Variants in TAX1BP1 observed in about 807,000 individuals in gnomAD.
TAX1BP1 encodes the protein Tax1 binding protein 1.
In TAX1BP1, 62 loss-of-function variants were observed where a neutral mutation model predicts 97.7. The ratio of observed to expected loss-of-function variants is 0.63; its 90% CI spans 0.52 to 0.78. The LOEUF is 0.78. Ranked by LOEUF, TAX1BP1 falls within the 30% of genes least tolerant of loss-of-function variation. TAX1BP1 has a pLI of 0.00. For missense variants in TAX1BP1, 867 were observed against 916.1 expected, an observed-to-expected ratio of 0.95 and a Z score of 0.69; for synonymous variants, 340 against 304.2, an observed-to-expected ratio of 1.12 and a Z score of -1.23.
At chr7:27,801,954 A>G (rs1475620459) in intron 13 of TAX1BP1, among the ~76,000 whole-genome samples, 3 of 152,232 alleles carry the variant, frequency 2.0e-5, no homozygotes, top group African/African-American at 7.2e-5. Flanking sequence ...TGGAGTAACT[A>G]GACCTTTGAA....
rs866866918 is a variant in TAX1BP1, at chr7:27,748,437, T to C, written c.-7-81T>C. ...GACATGCAAATATTCATGAAACTTA[T>C]ATTAAATATTATGTATTTTCTGAAG... On this transcript the variant is annotated intron_variant, in intron 1 of 16. Transcript: ENST00000396319. 29 of 955,354 alleles carry C rather than the reference T, an allele frequency of 3.0e-5. No individual in the cohort carries two copies. In the Middle Eastern group the frequency reaches 7.4e-4, roughly 24 times the overall value. The allele number at this position is 955,354 out of a possible 1,614,324, so 59.2% of individuals were successfully genotyped here. A position where few individuals can be genotyped will look rare whatever the true frequency, so the allele number is the denominator to read the frequency against.
intron 5 of TAX1BP1, among the ~76,000 whole-genome samples, chr7:27,777,119 G>T (rs1194466518): frequency 1.3e-5 from 2 of 151,954 alleles, no homozygotes; most frequent in African/African-American, 4.8e-5. Flanking sequence ...GCTCATTTCT[G>T]TATCAGTTTT....
chr7:27,827,019 T>C (rs1295765691), intron 15 of TAX1BP1, among the ~76,000 whole-genome samples: 3 of 152,218 alleles, frequency 2.0e-5, no homozygotes, highest in Non-Finnish European at 2.9e-5. Flanking sequence ...CTTACAGTTA[T>C]TAAATGAGAA....
intron 15 of TAX1BP1, among the ~76,000 whole-genome samples, chr7:27,820,591 C>T (rs1790938830): frequency 6.6e-6 from 1 of 152,026 alleles, no homozygotes; most frequent in Admixed American, 6.6e-5. Context: ...ATCAAGAGAG[C>T]CAAGACAATT....
Position 27,828,901 on chromosome 7 carries a change from C to G in TAX1BP1, c.*72C>G. 1 of 1,253,470 alleles carries G rather than the reference C, an allele frequency of 8.0e-7. No individual in the cohort carries two copies. Among genetic ancestry groups the G allele is most frequent in the Non-Finnish European group, 1.1e-6 (1 of 903,662 alleles). The allele number at this position is 1,253,470 out of a possible 1,614,324, so 77.6% of individuals were successfully genotyped here. The stretch of plus-strand genomic sequence containing the variant: ...AAAAAACCACACCTAAAATAGACCA[C>G]TGAGGAGACCATAGAGCGGATGCTT... On this transcript the variant is annotated 3_prime_UTR_variant, in exon 17 of 17. Coordinates refer to ENST00000396319, the MANE Select transcript of TAX1BP1 (RefSeq NM_006024.7).
At chr7:27,792,550 A>G (rs1789759736) in intron 9 of TAX1BP1, among the ~76,000 whole-genome samples, 1 of 152,234 alleles carries the variant, frequency 6.6e-6, no homozygotes, top group Admixed American at 6.5e-5. Context: ...TAAGGGAGTA[A>G]TAATTGCTCT....
intron 6 of TAX1BP1, 39 bp downstream of exon 6, chr7:27,785,350 T>A (rs761050233): frequency 4.4e-6 from 7 of 1,589,488 alleles, no homozygotes; most frequent in African/African-American, 2.7e-5. Flanking sequence ...TCAATAAAAA[T>A]TTTAAAACTT....
intron 5 of TAX1BP1, among the ~76,000 whole-genome samples, chr7:27,776,858 T>G (rs373747461): frequency 6.6e-6 from 1 of 151,974 alleles, no homozygotes; most frequent in East Asian, 1.9e-4. Flanking sequence ...TGTTTCATTT[T>G]AAATAGTTAA....
Position 27,756,317 on chromosome 7 carries a change from C to T in TAX1BP1, c.163-1714C>T, listed in dbSNP as rs1016865008. Reference sequence around the variant, plus strand: ...TTATTTTTTATGTATGCCCAACATGCCCCTCTCTAAGTAACTTAAGAACTA... The same window carrying T: ...TTATTTTTTATGTATGCCCAACATGTCCCTCTCTAAGTAACTTAAGAACTA... On this transcript the variant is annotated intron_variant, in intron 2 of 16. Transcript: ENST00000396319. Among the ~76,000 whole-genome samples the T allele has an allele frequency of 3.3e-5, 5 of 152,130 alleles. No individual in the cohort carries two copies. In the East Asian group the frequency reaches 9.6e-4, roughly 29 times the overall value.
At chr7:27,774,463 A>G (rs1788953127) in intron 5 of TAX1BP1, among the ~76,000 whole-genome samples, 1 of 152,114 alleles carries the variant, frequency 6.6e-6, no homozygotes, top group South Asian at 2.1e-4. Context: ...ATAATAACAG[A>G]TACAAGTATA....
chr7:27,750,976 T>A (rs887446945), intron 2 of TAX1BP1, among the ~76,000 whole-genome samples: 1 of 152,200 alleles, frequency 6.6e-6, no homozygotes, highest in Admixed American at 6.5e-5. Flanking sequence ...CCTGAACATG[T>A]CTTTCTGTTG....
intron 12 of TAX1BP1, among the ~76,000 whole-genome samples, chr7:27,797,953 A>G (rs1261571509): frequency 6.6e-6 from 1 of 152,002 alleles, no homozygotes; most frequent in Non-Finnish European, 1.5e-5. Flanking sequence ...TTGTGAAACT[A>G]TCACCACAGT....
intron 5 of TAX1BP1, among the ~76,000 whole-genome samples, chr7:27,780,690 G>A (rs1789221090): frequency 6.6e-6 from 1 of 152,066 alleles, no homozygotes; most frequent in African/African-American, 2.4e-5. Context: ...AGATACAAAA[G>A]GCTTAATTTT....
At chr7:27,746,617 G>A (rs1408648900) in intron 1 of TAX1BP1, among the ~76,000 whole-genome samples, 2 of 152,100 alleles carry the variant, frequency 1.3e-5, no homozygotes, top group Non-Finnish European at 2.9e-5. Context: ...TAGGTTACCA[G>A]GTAGAGAGTA....
chr7:27,810,937 C>G (rs1333875450), intron 13 of TAX1BP1, among the ~76,000 whole-genome samples: 2 of 151,996 alleles, frequency 1.3e-5, no homozygotes, highest in African/African-American at 4.8e-5. Flanking sequence ...TGGCTCTTCT[C>G]TATAGTCTCT....
At chr7:27,786,117 C>T (rs948058353) in intron 7 of TAX1BP1, among the ~76,000 whole-genome samples, 30 of 151,500 alleles carry the variant, frequency 2.0e-4, no homozygotes, top group African/African-American at 5.8e-4. Flanking sequence ...AAATCTTGAC[C>T]GCTTGAAGTT....
intron 11 of TAX1BP1, among the ~76,000 whole-genome samples, chr7:27,795,376 G>A (rs1029761901): frequency 2.0e-5 from 3 of 152,014 alleles, no homozygotes; most frequent in African/African-American, 7.2e-5. Flanking sequence ...TGGAAGCTGT[G>A]GCAAGAGGAT....
intron 8 of TAX1BP1, 95 bp from the exon 9 acceptor site, chr7:27,791,911 A>C: frequency 9.1e-7 from 1 of 1,103,226 alleles, no homozygotes; most frequent in Non-Finnish European, 1.3e-6. Context: ...AATATCTAAA[A>C]TTTTGGCCCT....
chr7:27,774,326 A>G (rs1204787980), intron 5 of TAX1BP1, among the ~76,000 whole-genome samples: 3 of 152,126 alleles, frequency 2.0e-5, no homozygotes, highest in Non-Finnish European at 2.9e-5. Flanking sequence ...TCTCATTGAA[A>G]TAAGGTGGTC....
Sources: gnomAD v4.1 joint callset for allele counts (sites outside exome capture counted in the v4.1 genomes callset) on GRCh38, gnomAD v4.1.1 for gene constraint, MANE v1.5 for transcripts, NCBI Gene and HGNC (gene_info 2026-07-23, HGNC 2026-07-21) for gene names.